NAV3: variants seen among roughly 807,000 people sequenced by gnomAD.
The protein encoded by NAV3 is pore membrane and/or filament interacting like protein 1.
NAV3 carries 87 observed loss-of-function variants against 244.7 expected under a neutral mutation model. That is an observed-to-expected ratio of 0.36 (90% CI 0.30 to 0.42). The LOEUF is 0.42. Ranked by LOEUF, NAV3 falls within the 20% of genes least tolerant of loss-of-function variation. NAV3 has a pLI of 1.00. For missense variants in NAV3, 2,663 were observed against 2,893.3 expected (o/e 0.92, Z 1.83); for synonymous variants, 1,126 against 1,042.2 (o/e 1.08, Z -1.55).
chr12:77,831,747 C>T (rs370515628), intron 1 of NAV3, 43 bp downstream of exon 1: 202 of 1,545,812 alleles, frequency 1.3e-4, no homozygotes, highest in Non-Finnish European at 1.6e-4. Flanking sequence ...AGCTAAAATG[C>T]ACATTTCTCT....
chr12:77,681,134 TC>T (rs1874438079), intron 2 of NAV3, among the ~76,000 whole-genome samples: 1 of 152,178 alleles, frequency 6.6e-6, no homozygotes, highest in Non-Finnish European at 1.5e-5. Context: ...TCCGATAAGC[TC>T]TTTAACCTAT....
intron 2 of NAV3, among the ~76,000 whole-genome samples, chr12:77,720,236 GTTTC>G (rs1876551642): frequency 6.6e-6 from 1 of 151,254 alleles, no homozygotes; most frequent in African/African-American, 2.4e-5. Flanking sequence ...ATGTTTTCCT[GTTTC>G]TTTATGTGCC....
intron 35 of NAV3, 85 bp from the exon 36 acceptor site, chr12:78,198,520 A>G (rs1959234347): frequency 2.6e-6 from 2 of 765,168 alleles, no homozygotes; most frequent in African/African-American, 3.6e-5. Flanking sequence ...ATCCATATCT[A>G]TCCTAGTAGT....
chr12:77,670,146 A>G (rs187960851), intron 2 of NAV3, among the ~76,000 whole-genome samples: 51 of 152,266 alleles, frequency 3.3e-4, no homozygotes, highest in Non-Finnish European at 6.2e-4. Context: ...ACAAAAGATT[A>G]TTCAAGGCTA....
At chr12:77,606,579 C>T (rs1870679569) in intron 2 of NAV3, among the ~76,000 whole-genome samples, 2 of 152,058 alleles carry the variant, frequency 1.3e-5, no homozygotes, top group African/African-American at 4.8e-5. Context: ...ATAGTATGAG[C>T]TCAATAAATA....
chr12:77,952,069 A>T (rs78301536), intron 3 of NAV3, among the ~76,000 whole-genome samples: 1,313 of 50,572 alleles, frequency 0.026, 45 homozygotes, highest in Admixed American at 0.18. Flanking sequence ...AAGTATAATT[A>T]AAAAAAAAAA....
rs1593704597 is a variant in NAV3, at chr12:78,128,816, C to T, written c.4391C>T (p.Pro1464Leu). 3 of 1,614,060 alleles carry T rather than the reference C, an allele frequency of 1.9e-6. No homozygotes were observed. The highest frequency in any genetic ancestry group is 1.6e-4 in the Middle Eastern group (1 of 6,062). ...DTGNQSPLVS[P>L]SAMSSSAAGK... Reference sequence around the variant, plus strand: ...GGCAACCAGTCACCTCTGGTTTCCCCTTCTGCCATGTCATCTTCTGCAGCT... The same window carrying T: ...GGCAACCAGTCACCTCTGGTTTCCCTTTCTGCCATGTCATCTTCTGCAGCT... Residue 1464 changes from proline to leucine, a missense_variant, in exon 18 of 40, where the codon CCT (proline) becomes CTT (leucine). Physicochemically the swap from Pro to Leu is moderately conservative, Grantham distance 98. Coordinates refer to ENST00000397909, the MANE Select transcript of NAV3 (RefSeq NM_001024383.2).
At chr12:78,114,397 G>T (rs1000658563) in intron 12 of NAV3, among the ~76,000 whole-genome samples, 12 of 152,058 alleles carry the variant, frequency 7.9e-5, no homozygotes, top group Non-Finnish European at 1.5e-4. Flanking sequence ...ACCCAAGGCT[G>T]GGTAGTTTAT....
rs889977976 is a variant in NAV3, at chr12:77,690,615, G to T, written c.72+118349G>T. ...TAGGTTTTTGCGGCCAGAAATCTGT[G>T]CATTCCAAGCTCAACTCTGTCATAT... On this transcript the variant is annotated intron_variant, in intron 2 of 8. Coordinates refer to the NAV3 transcript ENST00000550042. 7.3e-5 allele frequency among the ~76,000 whole-genome samples: 11 copies of T among 150,658 alleles called. No individual in the cohort carries two copies. The East Asian group carries it at 2.2e-3, about 30-fold the overall frequency.
intron 2 of NAV3, among the ~76,000 whole-genome samples, chr12:77,662,495 T>C (rs1394254473): frequency 1.3e-5 from 2 of 150,472 alleles, no homozygotes; most frequent in Non-Finnish European, 2.9e-5. Flanking sequence ...GTAAATCCCA[T>C]AGGACTAAAA....
In NAV3 at chr12:78,188,376, T is replaced by G. The variant is rs762163498; in HGVS notation, c.5886+33T>G. The G allele has an allele frequency of 2.0e-6, 3 of 1,509,482 alleles. No individual in the cohort carries two copies. In the South Asian group the frequency reaches 3.5e-5, roughly 18 times the overall value. The allele number at this position is 1,509,482 out of a possible 1,614,324, so 93.5% of individuals were successfully genotyped here. On this transcript the variant is annotated intron_variant, in intron 32 of 39. Coordinates refer to ENST00000397909, the MANE Select transcript of NAV3 (RefSeq NM_001024383.2). ...GTGCAAGACACCCTAATAGTACTTTTCAAATATGTTTCTCTTTAATTGTTT... is the reference window on the plus strand; with the variant it reads ...GTGCAAGACACCCTAATAGTACTTTGCAAATATGTTTCTCTTTAATTGTTT...
chr12:78,073,897 T>G (rs995732433), intron 12 of NAV3, among the ~76,000 whole-genome samples: 1 of 152,330 alleles, frequency 6.6e-6, no homozygotes, highest in East Asian at 1.9e-4. Context: ...AATTTAATAC[T>G]AAATTTGTGG....
intron 1 of NAV3, among the ~76,000 whole-genome samples, chr12:77,890,259 CTTTTTATTTTTA>C (rs554979825): frequency 6.6e-6 from 1 of 151,932 alleles, no homozygotes; most frequent in Non-Finnish European, 1.5e-5. Flanking sequence ...CTATGTCTGG[CTTTTTATTTTTA>C]TTTTTATTTA....
intron 1 of NAV3, among the ~76,000 whole-genome samples, chr12:77,920,382 C>CA (rs1468845499): frequency 6.6e-6 from 1 of 151,792 alleles, no homozygotes; most frequent in Non-Finnish European, 1.5e-5. Flanking sequence ...TTTGTTTCAA[C>CA]AGTGGCTTAA....
chr12:78,011,988 C>G (rs1415527900), intron 8 of NAV3, among the ~76,000 whole-genome samples: 1 of 152,106 alleles, frequency 6.6e-6, no homozygotes, highest in African/African-American at 2.4e-5. Context: ...ATGGGGGAAA[C>G]TGCTCCCTTG....
chr12:78,007,494 A>G lies in NAV3; in HGVS notation c.1907+49A>G, dbSNP rs749456200. Reference sequence around the variant, plus strand: ...CAGTTGTAAATATATTTACAGGCCTACATACTCAGAGTGTAATAGGGAAGG... The same window carrying G: ...CAGTTGTAAATATATTTACAGGCCTGCATACTCAGAGTGTAATAGGGAAGG... On this transcript the variant is annotated intron_variant, in intron 8 of 39. Transcript: ENST00000397909. The G allele has an allele frequency of 5.2e-6, 8 of 1,547,044 alleles. No individual in the cohort carries two copies. The Admixed American group carries it at 1.1e-4, about 22-fold the overall frequency.
chr12:78,102,961 A>G (rs539086997), intron 12 of NAV3, among the ~76,000 whole-genome samples: 8 of 152,308 alleles, frequency 5.3e-5, no homozygotes, highest in African/African-American at 1.9e-4. Context: ...TGGGGCTGCC[A>G]TGAAGACCTA....
intron 18 of NAV3, among the ~76,000 whole-genome samples, chr12:78,131,227 C>T (rs1280463203): frequency 6.6e-6 from 1 of 152,198 alleles, no homozygotes; most frequent in Admixed American, 6.5e-5. Flanking sequence ...TGCAACCCTT[C>T]CCACTATATT....
Position 77,783,829 on chromosome 12 carries a change from G to C in NAV3, c.73-156490G>C, listed in dbSNP as rs1042806337. On this transcript the variant is annotated intron_variant, in intron 2 of 8. Transcript: ENST00000550042. Reference sequence around the variant, plus strand: ...TGACTGAGGTGAGTAGGGACAAAGGGAGAGATGATTCAGAGAGGCAGATAG... The same window carrying C: ...TGACTGAGGTGAGTAGGGACAAAGGCAGAGATGATTCAGAGAGGCAGATAG... Among the ~76,000 whole-genome samples the C allele has an allele frequency of 7.2e-5, 11 of 152,248 alleles. 1 individual carries two copies. The South Asian group carries it at 2.3e-3, about 32-fold the overall frequency.
Sources: gnomAD v4.1 joint callset for allele counts (sites outside exome capture counted in the v4.1 genomes callset) on GRCh38, gnomAD v4.1.1 for gene constraint, MANE v1.5 for transcripts, NCBI Gene and HGNC (gene_info 2026-07-23, HGNC 2026-07-21) for gene names.